ARHGAP8: variants seen among roughly 807,000 people sequenced by gnomAD.
ARHGAP8 encodes Rho GTPase activating protein 8.
In ARHGAP8, 62 loss-of-function variants were observed where a neutral mutation model predicts 46.1. That is an observed-to-expected ratio of 1.34 (90% CI 1.10 to 1.66). ARHGAP8 has a LOEUF of 1.66. ARHGAP8 is among the 40% of genes most tolerant of loss of function. ARHGAP8 has a pLI of 0.00. For missense variants in ARHGAP8, 923 were observed against 568.4 expected, an observed-to-expected ratio of 1.62 and a Z score of -6.34; for synonymous variants, 375 against 243.1, an observed-to-expected ratio of 1.54 and a Z score of -5.05.
chr22:44,817,583 C>T (rs1245212322), intron 5 of ARHGAP8, among the ~76,000 whole-genome samples: 1 of 152,116 alleles, frequency 6.6e-6, no homozygotes, highest in Non-Finnish European at 1.5e-5. Context: ...GCTAGCGGAT[C>T]ACCTGAGGTA....
At position 44,861,257 on chromosome 22, in the gene ARHGAP8, G is replaced by T. The variant is rs80331603; in HGVS notation, c.982-1018G>T. 4.6e-3 allele frequency among the ~76,000 whole-genome samples: 694 copies of T among 152,280 alleles called. 2 individuals carry two copies. Among genetic ancestry groups the T allele is most frequent in the Non-Finnish European group, 7.1e-3 (486 of 68,018 alleles). On this transcript the variant is annotated intron_variant, in intron 11 of 11. Transcript: ENST00000356099. ...AAGAGTGCTGGGATTACAGGTGTGAGCCACTGCACCCAGCCTACTTCTTTT... is the reference window on the plus strand; with the variant it reads ...AAGAGTGCTGGGATTACAGGTGTGATCCACTGCACCCAGCCTACTTCTTTT...
chr22:44,796,939 C>T (rs1469129258), intron 2 of ARHGAP8, among the ~76,000 whole-genome samples: 1 of 152,138 alleles, frequency 6.6e-6, no homozygotes, highest in Admixed American at 6.6e-5. Context: ...TGGTCTAAGC[C>T]CAGATACAAG....
intron 11 of ARHGAP8, among the ~76,000 whole-genome samples, chr22:44,861,289 G>A (rs576676047): frequency 6.6e-6 from 1 of 152,244 alleles, no homozygotes; most frequent in South Asian, 2.1e-4. Flanking sequence ...TTTTTCATTA[G>A]GAGAGACTGA....
At chr22:44,758,551 C>A (rs1924870533) in intron 1 of ARHGAP8, among the ~76,000 whole-genome samples, 1 of 151,938 alleles carries the variant, frequency 6.6e-6, no homozygotes, top group Non-Finnish European at 1.5e-5. Context: ...GGACTTTAGC[C>A]AATGATGATA....
At chr22:44,809,212 G>C in intron 4 of ARHGAP8, 1 of 469,132 alleles carries the variant, frequency 2.1e-6, no homozygotes, top group Non-Finnish European at 4.4e-6. Context: ...CTGTGTTCCA[G>C]TAAAACATTA....
At chr22:44,829,084 C>T (rs539475133) in intron 7 of ARHGAP8, among the ~76,000 whole-genome samples, 4 of 132,496 alleles carry the variant, frequency 3.0e-5, no homozygotes, top group Admixed American at 1.7e-4. Context: ...ACCAGCCTGG[C>T]CGGTATGGTG....
In ARHGAP8 at chr22:44,862,469, G is replaced by A. The variant is rs193014413; in HGVS notation, c.1176G>A (p.Leu392=). ...CGGAGGCACCTGGGGAGCACGGCCT[G>A]GCACCATGGGAACAGGGGAGCAGGG... is the stretch of plus-strand genomic sequence containing the variant. ...STPEAPGEHG[L]APWEQGSRAA... is the part of the protein sequence containing the mutation. The change falls in exon 12 of 12, where the codon CTG becomes CTA. Residue 392 remains leucine (L), a synonymous_variant. Coordinates refer to ENST00000356099, the MANE Select transcript of ARHGAP8 (RefSeq NM_181335.3). The A allele has an allele frequency of 2.4e-5, 39 of 1,614,008 alleles. No individual in the cohort carries two copies. The highest frequency in any genetic ancestry group is 2.0e-4 in the African/African-American group (15 of 75,024).
At chr22:44,849,454 A>G (rs1338014466) in intron 10 of ARHGAP8, 1 of 247,976 alleles carries the variant, frequency 4.0e-6, no homozygotes, top group Non-Finnish European at 8.0e-6. Flanking sequence ...TCCCCAGATC[A>G]TTGTAGGATG....
intron 3 of ARHGAP8, among the ~76,000 whole-genome samples, chr22:44,806,214 T>C (rs1928910207): frequency 6.6e-6 from 1 of 152,310 alleles, no homozygotes; most frequent in South Asian, 2.1e-4. Context: ...AGTCTCGACC[T>C]GGGTTTTTCT....
chr22:44,769,906 G>A (rs577086454), intron 1 of ARHGAP8, among the ~76,000 whole-genome samples: 2 of 152,318 alleles, frequency 1.3e-5, no homozygotes, highest in South Asian at 4.1e-4. Flanking sequence ...GGCAGGCAGA[G>A]GGCTAGGGAA....
chr22:44,767,581 G>C (rs895898955), intron 1 of ARHGAP8, among the ~76,000 whole-genome samples: 2 of 152,010 alleles, frequency 1.3e-5, no homozygotes, highest in Non-Finnish European at 2.9e-5. Context: ...AACCCACCGA[G>C]GCTCCCACGC....
chr22:44,771,242 ATTTTT>A lies in ARHGAP8; in HGVS notation c.-71-15197_-71-15193del, dbSNP rs368256843. On this transcript the variant is annotated intron_variant, in intron 1 of 11. Coordinates refer to ENST00000356099, the MANE Select transcript of ARHGAP8 (RefSeq NM_181335.3). ...AGATGATCATGTAGTTTGCAAGTAA[ATTTTT>A]TTTTTTTTTTTTTTTTTGAGACGGA... 8.9e-4 allele frequency among the ~76,000 whole-genome samples: 96 copies of A among 108,322 alleles called. 1 individual carries two copies. The highest frequency in any genetic ancestry group is 3.3e-3 in the South Asian group (10 of 3,060). The allele number at this position is 108,322 out of a possible 152,430, so 71.1% of individuals were successfully genotyped here. A position where few individuals can be genotyped will look rare whatever the true frequency, so the allele number is the denominator to read the frequency against.
intron 2 of ARHGAP8, among the ~76,000 whole-genome samples, chr22:44,788,917 A>C (rs1009636669): frequency 2.0e-5 from 3 of 152,190 alleles, no homozygotes; most frequent in African/African-American, 7.2e-5. Context: ...GCACGTGGAA[A>C]GAATGTATGT....
At chr22:44,778,818 C>A (rs186064183) in intron 1 of ARHGAP8, among the ~76,000 whole-genome samples, 273 of 152,246 alleles carry the variant, frequency 1.8e-3, no homozygotes, top group African/African-American at 6.4e-3. Flanking sequence ...ACCCTTGATT[C>A]ATTTCTGCCC....
rs532640990 is a variant in ARHGAP8 at position 44,791,331 on chromosome 22, C to A, written c.79+4725C>A. ...CCAGGGCCTCGATGCTGCAGACTTC[C>A]TTGGGAGATGATGGCACAGGAAGCA... On this transcript the variant is annotated intron_variant, in intron 2 of 11. Coordinates refer to ENST00000356099, the MANE Select transcript of ARHGAP8 (RefSeq NM_181335.3). Among the ~76,000 whole-genome samples the A allele has an allele frequency of 4.6e-5, 7 of 152,202 alleles. No homozygotes were observed. The South Asian group carries it at 1.5e-3, about 32-fold the overall frequency.
chr22:44,861,107 G>A (rs546068953), intron 11 of ARHGAP8, among the ~76,000 whole-genome samples: 4 of 152,296 alleles, frequency 2.6e-5, no homozygotes, highest in Admixed American at 2.0e-4. Context: ...ACGTAGCTGG[G>A]ATTACAGGTG....
chr22:44,805,967 A>T (rs1035377546), intron 3 of ARHGAP8, among the ~76,000 whole-genome samples: 1 of 152,204 alleles, frequency 6.6e-6, no homozygotes, highest in Non-Finnish European at 1.5e-5. Flanking sequence ...AGAGGATTTC[A>T]GTGTGCTGAA....
chr22:44,789,291 C>T (rs1399113179), intron 2 of ARHGAP8, among the ~76,000 whole-genome samples: 1 of 152,130 alleles, frequency 6.6e-6, no homozygotes, highest in African/African-American at 2.4e-5. Flanking sequence ...GCTGGGATTA[C>T]AGGCACCCGC....
chr22:44,822,644 T>C lies in ARHGAP8; in HGVS notation c.485+175T>C, dbSNP rs189557576. ...GCAGCAAAAGGTGCTAACTGCTGAC[T>C]CAGAGAAATGAAATGGCAAAGGTTG... is the stretch of plus-strand genomic sequence containing the variant. On this transcript the variant is annotated intron_variant, in intron 6 of 11. Coordinates refer to ENST00000356099, the MANE Select transcript of ARHGAP8 (RefSeq NM_181335.3). 2.6e-5 allele frequency among the ~76,000 whole-genome samples: 4 copies of C among 152,306 alleles called. No homozygotes were observed. In the East Asian group the frequency reaches 7.7e-4, roughly 29 times the overall value.
Sources: allele counts gnomAD v4.1 joint callset (sites outside exome capture counted in the v4.1 genomes callset), GRCh38; gene constraint gnomAD v4.1.1; transcripts MANE v1.5; gene names NCBI Gene and HGNC (gene_info 2026-07-23, HGNC 2026-07-21).